The following NLGN1 variants were observed in gnomAD, a reference collection of about 807,000 sequenced individuals.
NLGN1 encodes the protein neuroligin-1.
Under a neutral mutation model 65.5 loss-of-function variants are expected in NLGN1, and 12 were observed. The ratio of observed to expected loss-of-function variants is 0.18; its 90% confidence interval spans 0.12 to 0.30. The LOEUF is 0.30. Ranked by LOEUF, NLGN1 falls within the 10% of genes least tolerant of loss-of-function variation. The pLI, the probability that NLGN1 is intolerant of heterozygous loss-of-function variation, is 1.00. For synonymous variants in NLGN1, 350 were observed against 359.5 expected (o/e 0.97, Z 0.30); for missense variants, 750 against 1,007.1 (o/e 0.74, Z 3.46).
Position 173,898,227 on chromosome 3 carries a change from G to T in NLGN1, c.646+90395G>T, listed in dbSNP as rs112666847. On this transcript the variant is annotated intron_variant, in intron 4 of 6. Coordinates refer to ENST00000457714, the Ensembl canonical transcript of NLGN1. ...GTTTTTGCAATCTTTCAATCATTGA[G>T]ATAATTTCATTTTATTGTGGAAATA... Among the ~76,000 whole-genome samples, 541 of 152,242 alleles carry T rather than the reference G, an allele frequency of 3.6e-3. 4 individuals are homozygous for T. The highest frequency in any genetic ancestry group is 0.012 in the African/African-American group (508 of 41,552).
chr3:173,553,331 G>T (rs1741188896), intron 2 of NLGN1, among the ~76,000 whole-genome samples: 1 of 152,020 alleles, frequency 6.6e-6, no homozygotes, highest in African/African-American at 2.4e-5. Context: ...AATATATGAA[G>T]GGTTGTCCAC....
At position 173,940,399 on chromosome 3, in the gene NLGN1, A is replaced by C. The variant is rs891669227; in HGVS notation, c.646+132567A>C. ...CTACCATGCCCGGCCTCAAATAGTT[A>C]TATCTTGTAGGTTCCTGGTCTACAA... On this transcript the variant is annotated intron_variant, in intron 4 of 6. Coordinates refer to ENST00000457714, the Ensembl canonical transcript of NLGN1. Among the ~76,000 whole-genome samples, 5 of 152,180 alleles carry C rather than the reference A, an allele frequency of 3.3e-5. No individual in the cohort carries two copies. In the South Asian group the frequency reaches 1.0e-3, roughly 32 times the overall value.
chr3:173,427,733 T>C (rs1396925883), intron 1 of NLGN1, among the ~76,000 whole-genome samples: 1 of 151,952 alleles, frequency 6.6e-6, no homozygotes, highest in Non-Finnish European at 1.5e-5. Flanking sequence ...TGGCCTAAGA[T>C]ATGGTCTATC....
chr3:173,589,237 A>G (rs77527095), intron 2 of NLGN1, among the ~76,000 whole-genome samples: 1,595 of 152,328 alleles, frequency 0.01, 39 homozygotes, highest in African/African-American at 0.037. Context: ...TTTTCACTGC[A>G]TATCCAGCTA....
chr3:174,265,494 G>A (rs1025486078), intron 4 of NLGN1, among the ~76,000 whole-genome samples: 2 of 151,826 alleles, frequency 1.3e-5, no homozygotes, highest in East Asian at 3.9e-4. Flanking sequence ...ACTCCCTGAC[G>A]CCTTGCGCTT....
intron 2 of NLGN1, among the ~76,000 whole-genome samples, chr3:173,595,980 T>C (rs1247368120): frequency 1.3e-5 from 2 of 152,198 alleles, no homozygotes; most frequent in Non-Finnish European, 2.9e-5. Flanking sequence ...TTTGGGTGGG[T>C]ACACAGAGCC....
exon 7 of NLGN1, chr3:174,282,869 G>A (rs1023924764): frequency 6.6e-6 from 1 of 151,736 alleles, no homozygotes; most frequent in Non-Finnish European, 1.5e-5. Context: ...ATAATGCAAA[G>A]AACTTTCTCT....
intron 4 of NLGN1, among the ~76,000 whole-genome samples, chr3:174,148,541 T>G (rs938566243): frequency 6.6e-6 from 1 of 152,182 alleles, no homozygotes; most frequent in Non-Finnish European, 1.5e-5. Flanking sequence ...CAGTAACATA[T>G]AATTAATACT....
At chr3:174,031,009 G>A (rs903511625) in intron 4 of NLGN1, among the ~76,000 whole-genome samples, 2 of 152,224 alleles carry the variant, frequency 1.3e-5, no homozygotes, top group Admixed American at 6.5e-5. Flanking sequence ...GTTAGAAGGT[G>A]AAGAAATTTA....
rs915924139 is a variant in NLGN1, at chr3:173,919,054, C to G, written c.646+111222C>G. On this transcript the variant is annotated intron_variant, in intron 4 of 6. Transcript: ENST00000457714. ...ACCACATCTTTTATCCTGATTCTCA[C>G]TCTCCTACCTCTCTCCTTTTCTTAC... 1.3e-4 allele frequency among the ~76,000 whole-genome samples: 20 copies of G among 152,156 alleles called. 1 individual carries two copies. Among genetic ancestry groups the G allele is most frequent in the Non-Finnish European group, 2.5e-4 (17 of 68,020 alleles).
chr3:174,228,595 T>G (rs190099005), intron 4 of NLGN1, among the ~76,000 whole-genome samples: 151 of 152,294 alleles, frequency 9.9e-4, no homozygotes, highest in South Asian at 3.3e-3. Flanking sequence ...AACTATATAG[T>G]TGTCATTTTA....
rs576024839 is a variant in NLGN1 at position 173,533,944 on chromosome 3, T to G, written c.-320-70335T>G. Among the ~76,000 whole-genome samples the G allele has an allele frequency of 9.2e-5, 14 of 152,150 alleles. 1 individual carries two copies. The South Asian group carries it at 2.7e-3, about 29-fold the overall frequency. On this transcript the variant is annotated intron_variant, in intron 2 of 6. Transcript: ENST00000457714. ...CTGCAGTGAGCCGTGATCGTGCCACTGCACTCCAGCATGGGTCACACAATG... is the reference window on the plus strand; with the variant it reads ...CTGCAGTGAGCCGTGATCGTGCCACGGCACTCCAGCATGGGTCACACAATG...
At chr3:174,274,954 G>A (rs2152885660) in intron 4 of NLGN1, among the ~76,000 whole-genome samples, 1 of 151,918 alleles carries the variant, frequency 6.6e-6, no homozygotes, top group East Asian at 2.0e-4. Flanking sequence ...GGTGTTTTCT[G>A]CAAGATACAC....
chr3:173,563,925 C>T (rs573672317), intron 2 of NLGN1, among the ~76,000 whole-genome samples: 8 of 152,322 alleles, frequency 5.3e-5, no homozygotes, highest in Admixed American at 1.3e-4. Flanking sequence ...TATTCCTCTA[C>T]TCCTTCCACT....
intron 4 of NLGN1, among the ~76,000 whole-genome samples, chr3:174,198,388 G>A (rs2152770714): frequency 6.6e-6 from 1 of 152,262 alleles, no homozygotes; most frequent in East Asian, 1.9e-4. Context: ...ATATCTTTGT[G>A]TTATTACTAA....
chr3:174,197,993 C>G (rs1445285484), intron 4 of NLGN1, among the ~76,000 whole-genome samples: 1 of 151,870 alleles, frequency 6.6e-6, no homozygotes, highest in Non-Finnish European at 1.5e-5. Flanking sequence ...TATCTATATA[C>G]TCTATACTAA....
chr3:173,815,165 AG>A (rs1718780119), intron 4 of NLGN1, among the ~76,000 whole-genome samples: 2 of 145,714 alleles, frequency 1.4e-5, no homozygotes, highest in South Asian at 4.3e-4. Context: ...TCTGTCACCC[AG>A]GCTGGAGTGC....
intron 4 of NLGN1, among the ~76,000 whole-genome samples, chr3:174,183,227 A>T (rs1730772076): frequency 6.6e-6 from 1 of 152,078 alleles, no homozygotes; most frequent in African/African-American, 2.4e-5. Flanking sequence ...CCTCCTCCAC[A>T]GGGCCTGCCT....
At chr3:174,232,329 A>G (rs149493046) in intron 4 of NLGN1, among the ~76,000 whole-genome samples, 3,011 of 152,126 alleles carry the variant, frequency 0.02, 47 homozygotes, top group Non-Finnish European at 0.03. Context: ...GGCCATTTTC[A>G]CTTCTTTTGT....
Sources: gnomAD v4.1 joint callset for allele counts (sites outside exome capture counted in the v4.1 genomes callset) on GRCh38, gnomAD v4.1.1 for gene constraint, MANE v1.5 for transcripts, NCBI Gene and HGNC (gene_info 2026-07-23, HGNC 2026-07-21) for gene names.